ALS2CL: variants seen among roughly 807,000 people sequenced by gnomAD.
ALS2CL encodes ALS2 C-terminal like.
In ALS2CL, 112 loss-of-function variants were observed where a neutral mutation model predicts 127.9. The ratio of observed to expected loss-of-function variants is 0.88; its 90% CI spans 0.75 to 1.02. The LOEUF is 1.02. Ranked by LOEUF, ALS2CL falls within the 50% of genes least tolerant of loss-of-function variation. ALS2CL has a pLI of 0.00. For synonymous variants in ALS2CL, 519 were observed against 527.6 expected (o/e 0.98, Z 0.22); for missense variants, 1,174 against 1,236.7 (o/e 0.95, Z 0.76).
In ALS2CL at chr3:46,672,208, G is replaced by A; in HGVS notation, c.2473-7C>T. The A allele has an allele frequency of 1.9e-6, 3 of 1,614,030 alleles. No homozygotes were observed. Among genetic ancestry groups the A allele is most frequent in the South Asian group, 1.1e-5 (1 of 91,058 alleles). On this transcript the variant is annotated splice_region_variant and splice_polypyrimidine_tract_variant and intron_variant, in intron 22 of 25. Coordinates refer to ENST00000318962, the MANE Select transcript of ALS2CL (RefSeq NM_147129.5). ...CCCTGACCAGGGAGTACCTCTGCAT[G>A]GTGGAGGGAGTGGGCTGGATGAGGC... is the stretch of plus-strand genomic sequence containing the variant.
rs377599484 is a variant in ALS2CL at position 46,688,082 on chromosome 3, C to T, written c.302+16G>A. The stretch of plus-strand genomic sequence containing the variant: ...ACACCAGGGATGAGCCCCAGCCCCA[C>T]CTCCAGTGGTCTTACTCTATGTGGG... On this transcript the variant is annotated intron_variant, in intron 3 of 25. Transcript: ENST00000318962. 5 of 1,609,770 alleles carry T rather than the reference C, an allele frequency of 3.1e-6. No individual in the cohort carries two copies. The highest frequency in any genetic ancestry group is 1.7e-5 in the Admixed American group (1 of 59,940).
At chr3:46,688,936 A>C (rs1699981949) in intron 2 of ALS2CL, among the ~76,000 whole-genome samples, 2 of 152,238 alleles carry the variant, frequency 1.3e-5, no homozygotes, top group African/African-American at 4.8e-5. Context: ...TCCTTTAAAA[A>C]AGGAGCAGTC....
Position 46,670,386 on chromosome 3 carries a change from C to G in ALS2CL, c.*598G>C, listed in dbSNP as rs1196389902. 6.5e-6 allele frequency: 1 copy of G among 153,656 alleles called. No individual in the cohort carries two copies. The highest frequency in any genetic ancestry group is 1.9e-4 in the East Asian group (1 of 5,202). The allele number at this position is 153,656 out of a possible 1,614,324, so 9.5% of individuals were successfully genotyped here. ...TCACAGGAGAATGATTTACAAGCCA[C>G]TTGGGGCCTGCTGGCAGTGAGGGTT... is the stretch of plus-strand genomic sequence containing the variant. On this transcript the variant is annotated 3_prime_UTR_variant, in exon 26 of 26. Transcript: ENST00000318962. This position sits in a 1 kb window ranked among gnomAD's most constrained non-coding sequence, Gnocchi z 5.5.
chr3:46,675,717 C>T (rs1698763463), intron 19 of ALS2CL, 31 bp from the exon 20 acceptor site: 2 of 1,612,314 alleles, frequency 1.2e-6, no homozygotes, highest in Non-Finnish European at 8.5e-7. Context: ...AATGGTGTGG[C>T]TGCCCCTTGC....
At chr3:46,671,099 C>G (rs779271304) in intron 25 of ALS2CL, 35 bp from the exon 26 acceptor site, 1 of 1,587,888 alleles carries the variant, frequency 6.3e-7, no homozygotes, top group East Asian at 2.2e-5. Flanking sequence ...GGCCAGTTGA[C>G]CTGCCTGATC....
rs1189814754 is a variant in ALS2CL, at chr3:46,681,117, G to A, written c.1436+129C>T. On this transcript the variant is annotated intron_variant, in intron 13 of 25. Transcript: ENST00000318962. The surrounding 1 kb of genome is among the most constrained non-coding windows in gnomAD (Gnocchi z 4.9). ...GAGCCTCCGCAGCAACCGAGGGACT[G>A]GAGGGGAAGTGAGGGGCTTAAGAGA... 1.4e-6 allele frequency: 2 copies of A among 1,431,688 alleles called. No homozygotes were observed. The highest frequency in any genetic ancestry group is 1.2e-5 in the South Asian group (1 of 86,924). The allele number at this position is 1,431,688 out of a possible 1,614,324, so 88.7% of individuals were successfully genotyped here. A position where few individuals can be genotyped will look rare whatever the true frequency, so the allele number is the denominator to read the frequency against.
chr3:46,679,145 G>A (rs1336030509), intron 15 of ALS2CL, 65 bp downstream of exon 15: 9 of 1,474,220 alleles, frequency 6.1e-6, no homozygotes, highest in Non-Finnish European at 8.3e-6. Context: ...GAGTCTAAGT[G>A]GGGAGATTAC....
At position 46,676,889 on chromosome 3, in the gene ALS2CL, TGGAGCTCTGCACGTCGAAGCCCAGCAG is replaced by T; in HGVS notation, c.1864_1890del (p.Leu622_Ser630del). On this transcript the variant is annotated inframe_deletion, in exon 17 of 26. Transcript: ENST00000318962. Reference sequence around the variant, plus strand: ...TAATCCTGAGACCTACGCAGCTCCCTGGAGCTCTGCACGTCGAAGCCCAGCAGGGCCTCCTGCAGGTCCCTGGGGCAG... The same window carrying T: ...TAATCCTGAGACCTACGCAGCTCCCTGGCCTCCTGCAGGTCCCTGGGGCAG... The T allele has an allele frequency of 6.3e-7, 1 of 1,596,262 alleles. No homozygotes were observed. Among genetic ancestry groups the T allele is most frequent in the Non-Finnish European group, 8.6e-7 (1 of 1,169,346 alleles).
chr3:46,683,684 G>A lies in ALS2CL; in HGVS notation c.912+98C>T, dbSNP rs537322289. ...CCCAGAAGCCTGCCAGACACTCGCC[G>A]GCACTCCTGTGGGGCCCTGCAGGGT... is the stretch of plus-strand genomic sequence containing the variant. On this transcript the variant is annotated intron_variant, in intron 9 of 25. Coordinates refer to ENST00000318962, the MANE Select transcript of ALS2CL (RefSeq NM_147129.5). The A allele has an allele frequency of 5.9e-4, 866 of 1,455,624 alleles. 6 individuals carry two copies. Among genetic ancestry groups the A allele is most frequent in the South Asian group, 5.4e-3 (473 of 87,178 alleles). 90.2% of individuals were successfully genotyped at this position (1,455,624 alleles called of 1,614,324 possible). A position where few individuals can be genotyped will look rare whatever the true frequency, so the allele number is the denominator to read the frequency against.
At chr3:46,671,457 T>A in intron 25 of ALS2CL, 31 bp downstream of exon 25, 4 of 1,613,316 alleles carry the variant, frequency 2.5e-6, no homozygotes, top group Non-Finnish European at 3.4e-6. Context: ...CCAGGGCATT[T>A]CCACCTCGGT....
Position 46,676,719 on chromosome 3 carries a change from C to A in ALS2CL, c.1951G>T (p.Val651Leu). ...TCCAGGATGTCTTCCATACTGCCCA[C>A]ACTGTCCTCAGGGTGGGTCCTGGGC... ...SCERTHPEDSVGSMEDILEEL... is the reference protein window; with the variant it reads ...SCERTHPEDSLGSMEDILEEL... Residue 651 changes from valine to leucine, a missense_variant, in exon 18 of 26, where the codon GTG (valine) becomes TTG (leucine). Val to Leu is a conservative substitution (Grantham distance 32). Coordinates refer to ENST00000318962, the MANE Select transcript of ALS2CL (RefSeq NM_147129.5). 1 of 1,613,784 alleles carries A rather than the reference C, an allele frequency of 6.2e-7. No individual in the cohort carries two copies. Among genetic ancestry groups the A allele is most frequent in the Non-Finnish European group, 8.5e-7 (1 of 1,179,988 alleles).
intron 9 of ALS2CL, 56 bp downstream of exon 9, chr3:46,683,726 C>T (rs1699546471): frequency 1.3e-6 from 2 of 1,592,128 alleles, no homozygotes; most frequent in Admixed American, 3.3e-5. Flanking sequence ...CTTCTGCCCT[C>T]TTCCTACCCT....
chr3:46,674,445 C>G, intron 21 of ALS2CL, 121 bp downstream of exon 21: 1 of 1,296,230 alleles, frequency 7.7e-7, no homozygotes, highest in South Asian at 1.4e-5. Context: ...CACCTGAATG[C>G]ATAAGCTTAG....
chr3:46,692,678 C>G (rs1211479696), intron 1 of ALS2CL, among the ~76,000 whole-genome samples: 1 of 152,230 alleles, frequency 6.6e-6, no homozygotes, highest in Non-Finnish European at 1.5e-5. Context: ...CTGATGCTCA[C>G]CACGGGGTGC....
At chr3:46,679,479 G>A (rs561943802) in intron 14 of ALS2CL, 192 bp from the exon 15 acceptor site, 7 of 424,788 alleles carry the variant, frequency 1.6e-5, no homozygotes, top group South Asian at 1.4e-4. Flanking sequence ...CACCAGCCCC[G>A]AGGACCCCAT....
chr3:46,681,970 G>A lies in ALS2CL; in HGVS notation c.1175+59C>T, dbSNP rs1699385275. The A allele has an allele frequency of 1.9e-6, 3 of 1,582,426 alleles. No homozygotes were observed. The South Asian group carries it at 3.4e-5, about 18-fold the overall frequency. On this transcript the variant is annotated intron_variant, in intron 11 of 25. Transcript: ENST00000318962. The surrounding 1 kb of genome is among the most constrained non-coding windows in gnomAD (Gnocchi z 4.9). Reference sequence around the variant, plus strand: ...GGCCGGGCTGGTGACCACAGCAGGGGAGGAAAGCACCCTTCAGCCCACTGC... The same window carrying A: ...GGCCGGGCTGGTGACCACAGCAGGGAAGGAAAGCACCCTTCAGCCCACTGC...
At chr3:46,674,347 T>G (rs1229734735) in intron 21 of ALS2CL, among the ~76,000 whole-genome samples, 2 of 152,058 alleles carry the variant, frequency 1.3e-5, no homozygotes, top group Non-Finnish European at 2.9e-5. Flanking sequence ...CTTATGGTGT[T>G]TGTCACCACA....
chr3:46,680,951 C>G, intron 13 of ALS2CL: 1 of 568,164 alleles, frequency 1.8e-6, no homozygotes, highest in Non-Finnish European at 3.2e-6. Flanking sequence ...AGGGCTTTAT[C>G]ACACAGCCCA....
Position 46,676,274 on chromosome 3 carries a change from C to T in ALS2CL, c.2157G>A (p.Gln719=), listed in dbSNP as rs377363751. 15 of 1,613,508 alleles carry T rather than the reference C, an allele frequency of 9.3e-6. No homozygotes were observed. In the African/African-American group the frequency reaches 9.3e-5, roughly 10 times the overall value. Residue 719 remains glutamine, a synonymous_variant, in exon 19 of 26, where the codon CAG becomes CAA. Transcript: ENST00000318962. ...LQELAQEEVK[Q]HAQELWAAYR... Reference sequence around the variant, plus strand: ...AGGCAGCCCAGAGTTCCTGGGCATGCTGCTTCACCTCCTCCTGGGCCAGCT... The same window carrying T: ...AGGCAGCCCAGAGTTCCTGGGCATGTTGCTTCACCTCCTCCTGGGCCAGCT...
Sources: allele counts gnomAD v4.1 joint callset (sites outside exome capture counted in the v4.1 genomes callset), GRCh38; gene constraint gnomAD v4.1.1; non-coding constraint Gnocchi (gnomAD v3.1); transcripts MANE v1.5; gene names NCBI Gene and HGNC (gene_info 2026-07-23, HGNC 2026-07-21).